The following ST3GAL1 variants were observed in gnomAD, a reference collection of about 807,000 sequenced individuals.
The protein encoded by ST3GAL1 is CMP-N-acetylneuraminate-beta-galactosamide-alpha-2,3-sialyltransferase 1.
ST3GAL1 carries 16 observed loss-of-function variants against 34.1 expected under a neutral mutation model. The ratio of observed to expected loss-of-function variants is 0.47; its 90% CI spans 0.32 to 0.71. The LOEUF is 0.71. ST3GAL1 is among the 30% of genes least tolerant of loss of function. The pLI, the probability that ST3GAL1 is intolerant of heterozygous loss-of-function variation, is 0.04. For synonymous variants in ST3GAL1, 191 were observed against 184.7 expected (o/e 1.03, Z -0.28); for missense variants, 353 against 447.4 (o/e 0.79, Z 1.90).
chr8:133,551,678 C>T (rs1818870762), intron 1 of ST3GAL1, among the ~76,000 whole-genome samples: 1 of 152,196 alleles, frequency 6.6e-6, no homozygotes, highest in Non-Finnish European at 1.5e-5. Flanking sequence ...ACTGTCTCTG[C>T]TTCAACTACT....
chr8:133,519,650 A>C (rs1408107656), intron 2 of ST3GAL1, among the ~76,000 whole-genome samples: 1 of 152,184 alleles, frequency 6.6e-6, no homozygotes, highest in African/African-American at 2.4e-5. Context: ...ACACATTAAG[A>C]ACTCAGTAAA....
rs531167349 is a variant in ST3GAL1, at chr8:133,556,197, GTTT to G, written c.-581-10274_-581-10272del. Among the ~76,000 whole-genome samples the G allele has an allele frequency of 1.2e-4, 18 of 152,098 alleles. No homozygotes were observed. The highest frequency in any genetic ancestry group is 7.4e-5 in the Non-Finnish European group (5 of 68,004). ...AGGCATGAGCCACCATGCCCAGCTT[GTTT>G]TTTCTTTTTGAATCTCCACTCTCAC... is the stretch of plus-strand genomic sequence containing the variant. On this transcript the variant is annotated intron_variant, in intron 1 of 9. Coordinates refer to ENST00000522652, the MANE Select transcript of ST3GAL1 (RefSeq NM_173344.3). This position sits in a 1 kb window ranked among gnomAD's most constrained non-coding sequence, Gnocchi z 8.9.
intron 1 of ST3GAL1, among the ~76,000 whole-genome samples, chr8:133,546,485 A>G (rs1414017335): frequency 1.3e-5 from 2 of 151,838 alleles, no homozygotes. Flanking sequence ...CGTCAAAAAA[A>G]AAAAAAAAAA....
At chr8:133,472,803 C>G (rs55873620) in intron 5 of ST3GAL1, among the ~76,000 whole-genome samples, 99 of 150,474 alleles carry the variant, frequency 6.6e-4, no homozygotes, top group Non-Finnish European at 1.3e-3. Flanking sequence ...GGGAAGACAT[C>G]TGGTAAATGG....
intron 3 of ST3GAL1, among the ~76,000 whole-genome samples, chr8:133,490,781 T>C (rs1214822928): frequency 6.6e-6 from 1 of 152,144 alleles, no homozygotes; most frequent in Non-Finnish European, 1.5e-5. Flanking sequence ...CCCGGCTGGC[T>C]TGTGAGCAGC....
In ST3GAL1 at chr8:133,457,929, A is replaced by G. The variant is rs1815362240; in HGVS notation, c.*1835T>C. The G allele has an allele frequency of 6.6e-6, 1 of 152,228 alleles. No homozygotes were observed. The highest frequency in any genetic ancestry group is 2.4e-5 in the African/African-American group (1 of 41,452). 9.4% of individuals were successfully genotyped at this position (152,228 alleles called of 1,614,324 possible). A position where few individuals can be genotyped will look rare whatever the true frequency, so the allele number is the denominator to read the frequency against. On this transcript the variant is annotated 3_prime_UTR_variant, in exon 10 of 10. Transcript: ENST00000522652. ...AAGCAGCAGCGACCTTTTCAGGGAT[A>G]TTTTCAACAAGAAAGTGGTTTTTCT... is the stretch of plus-strand genomic sequence containing the variant.
Position 133,461,961 on chromosome 8 carries a change from C to CTTG in ST3GAL1, c.762_763insCAA (p.Tyr254_Val255insGln). ...TGCCCTTGCAGCCAGTTGTCAAAGA[C>CTTG]ATACTTGATGAAGGCTGGGTGGTAG... On this transcript the variant is annotated inframe_insertion, in exon 9 of 10. Transcript: ENST00000522652. The surrounding 1 kb of genome is among the most constrained non-coding windows in gnomAD (Gnocchi z 4.7). The CTTG allele has an allele frequency of 6.2e-7, 1 of 1,614,154 alleles. No homozygotes were observed. Among genetic ancestry groups the CTTG allele is most frequent in the Non-Finnish European group, 8.5e-7 (1 of 1,180,020 alleles).
chr8:133,522,226 G>C (rs1235544614), intron 2 of ST3GAL1, among the ~76,000 whole-genome samples: 3 of 152,170 alleles, frequency 2.0e-5, no homozygotes, highest in African/African-American at 7.2e-5. Context: ...TAGAAAGCTA[G>C]CAGGAAGGAA....
chr8:133,547,155 A>G (rs1219675961), intron 1 of ST3GAL1, among the ~76,000 whole-genome samples: 1 of 152,170 alleles, frequency 6.6e-6, no homozygotes, highest in Non-Finnish European at 1.5e-5. Flanking sequence ...AGCATGAGGG[A>G]GAATCGAAGT....
intron 2 of ST3GAL1, among the ~76,000 whole-genome samples, chr8:133,511,008 A>G (rs904440371): frequency 6.6e-6 from 1 of 152,258 alleles, no homozygotes; most frequent in Non-Finnish European, 1.5e-5. Flanking sequence ...TGATAAACAG[A>G]AGTGCTTGTA....
At chr8:133,524,628 A>G (rs964608919) in intron 2 of ST3GAL1, among the ~76,000 whole-genome samples, 2 of 152,250 alleles carry the variant, frequency 1.3e-5, no homozygotes, top group African/African-American at 4.8e-5. Flanking sequence ...GTGAGCTAGC[A>G]CAGGGTCCAG....
chr8:133,553,305 A>G (rs907645028), intron 1 of ST3GAL1, among the ~76,000 whole-genome samples: 6 of 152,180 alleles, frequency 3.9e-5, no homozygotes, highest in African/African-American at 1.4e-4. Flanking sequence ...GAGTTCCTGT[A>G]CCCCAGCATC....
At chr8:133,474,791 G>A (rs1816104713) in intron 5 of ST3GAL1, among the ~76,000 whole-genome samples, 1 of 152,148 alleles carries the variant, frequency 6.6e-6, no homozygotes, top group South Asian at 2.1e-4. Flanking sequence ...AGACCTCCCT[G>A]GTGACCCCAT....
At chr8:133,471,390 G>T (rs541851992) in intron 5 of ST3GAL1, among the ~76,000 whole-genome samples, 1 of 152,202 alleles carries the variant, frequency 6.6e-6, no homozygotes, top group Non-Finnish European at 1.5e-5. Flanking sequence ...GAAATGGCTC[G>T]TGCAGGACTC....
At chr8:133,514,618 C>T (rs1031626324) in intron 2 of ST3GAL1, among the ~76,000 whole-genome samples, 3 of 152,068 alleles carry the variant, frequency 2.0e-5, no homozygotes, top group Admixed American at 1.3e-4. Context: ...ACGACAGAAG[C>T]AAGGGCTCCC....
chr8:133,512,743 G>A (rs1817530585), intron 2 of ST3GAL1, among the ~76,000 whole-genome samples: 1 of 152,098 alleles, frequency 6.6e-6, no homozygotes, highest in South Asian at 2.1e-4. Context: ...ACACCCATCT[G>A]ACCCTCTCAC....
intron 3 of ST3GAL1, among the ~76,000 whole-genome samples, 167 bp downstream of exon 3, chr8:133,498,968 G>C (rs1023824135): frequency 1.3e-5 from 2 of 152,210 alleles, no homozygotes; most frequent in Non-Finnish European, 2.9e-5. Context: ...CTGAATTTTT[G>C]GACCCAGGGG....
At chr8:133,526,577 C>T (rs16904936) in intron 2 of ST3GAL1, among the ~76,000 whole-genome samples, 4,941 of 152,048 alleles carry the variant, frequency 0.032, 162 homozygotes, top group East Asian at 0.14. Flanking sequence ...TTATGTGTTA[C>T]GGAGAAACAA....
intron 2 of ST3GAL1, among the ~76,000 whole-genome samples, chr8:133,514,420 G>C (rs1031239389): frequency 6.6e-6 from 1 of 152,130 alleles, no homozygotes; most frequent in African/African-American, 2.4e-5. Context: ...CCTGGGGTGA[G>C]GGCTCCTTCC....
Sources: gnomAD v4.1 joint callset for allele counts (sites outside exome capture counted in the v4.1 genomes callset) on GRCh38, gnomAD v4.1.1 for gene constraint, Gnocchi (gnomAD v3.1) non-coding constraint, MANE v1.5 for transcripts, NCBI Gene and HGNC (gene_info 2026-07-23, HGNC 2026-07-21) for gene names.